MACROD2: variants seen among roughly 807,000 people sequenced by gnomAD.
The protein encoded by MACROD2 is ADP-ribose glycohydrolase MACROD2.
A neutral mutation model predicts 70.4 loss-of-function variants in MACROD2; 36 were observed. The ratio of observed to expected loss-of-function variants is 0.51; its 90% CI spans 0.39 to 0.68. MACROD2 has a LOEUF of 0.68. MACROD2 is among the 30% of genes least tolerant of loss of function. The pLI is 0.00. For missense variants in MACROD2, 496 were observed against 538.4 expected, an observed-to-expected ratio of 0.92 and a Z score of 0.78; for synonymous variants, 172 against 178.8, an observed-to-expected ratio of 0.96 and a Z score of 0.30.
At chr20:14,604,034 G>A (rs1281414369) in intron 4 of MACROD2, among the ~76,000 whole-genome samples, 2 of 152,056 alleles carry the variant, frequency 1.3e-5, no homozygotes, top group South Asian at 2.1e-4. Context: ...GACCTTAATC[G>A]ATGCTTTTGC....
intron 5 of MACROD2, chr20:14,849,767 C>A: frequency 3.8e-6 from 1 of 265,546 alleles, no homozygotes; most frequent in South Asian, 3.4e-5. Context: ...GGTGGCAGGG[C>A]AAGACTTTGT....
intron 8 of MACROD2, among the ~76,000 whole-genome samples, chr20:15,550,985 C>T (rs1426071140): frequency 6.6e-6 from 1 of 152,074 alleles, no homozygotes; most frequent in Non-Finnish European, 1.5e-5. Flanking sequence ...ATCCAGCGTG[C>T]CTGCAGAAAA....
At chr20:15,371,868 C>G (rs2146263052) in intron 6 of MACROD2, among the ~76,000 whole-genome samples, 1 of 152,284 alleles carries the variant, frequency 6.6e-6, no homozygotes, top group South Asian at 2.1e-4. Context: ...AACACAACTA[C>G]TCTTTTTAAT....
At chr20:14,752,222 AT>A (rs1360133236) in intron 5 of MACROD2, among the ~76,000 whole-genome samples, 7 of 151,286 alleles carry the variant, frequency 4.6e-5, no homozygotes, top group Non-Finnish European at 1.0e-4. Flanking sequence ...TTAATTACCT[AT>A]TTTATATTTC....
intron 3 of MACROD2, among the ~76,000 whole-genome samples, chr20:14,206,002 G>GT (rs772332911): frequency 3.9e-5 from 6 of 152,146 alleles, no homozygotes; most frequent in African/African-American, 9.7e-5. Flanking sequence ...AGGTCTGTTA[G>GT]TTTAGTAAAC....
chr20:15,138,547 T>C (rs2076168233), intron 5 of MACROD2, among the ~76,000 whole-genome samples: 1 of 152,162 alleles, frequency 6.6e-6, no homozygotes, highest in Non-Finnish European at 1.5e-5. Context: ...TTTGCTCAGC[T>C]AGATTGGTCT....
At chr20:14,253,066 C>T (rs2082025231) in intron 3 of MACROD2, among the ~76,000 whole-genome samples, 1 of 151,822 alleles carries the variant, frequency 6.6e-6, no homozygotes, top group Non-Finnish European at 1.5e-5. Flanking sequence ...AAACTTTTGT[C>T]ATTTGATAGA....
chr20:15,410,248 T>G (rs1314966262), intron 6 of MACROD2, among the ~76,000 whole-genome samples: 1 of 152,202 alleles, frequency 6.6e-6, no homozygotes, highest in African/African-American at 2.4e-5. Context: ...CCAGAACTGT[T>G]GTACAGTTAG....
At chr20:14,603,716 A>G (rs1982631754) in intron 4 of MACROD2, among the ~76,000 whole-genome samples, 1 of 152,152 alleles carries the variant, frequency 6.6e-6, no homozygotes, top group Non-Finnish European at 1.5e-5. Flanking sequence ...ATTTCTTTTG[A>G]TGCTCTAACA....
chr20:15,229,310 G>C (rs1016308731), intron 5 of MACROD2, among the ~76,000 whole-genome samples: 9 of 152,160 alleles, frequency 5.9e-5, no homozygotes, highest in Non-Finnish European at 2.9e-5. Context: ...CAATAAAATA[G>C]ATAATTAACT....
At chr20:14,386,407 C>T (rs907373614) in intron 3 of MACROD2, among the ~76,000 whole-genome samples, 1 of 152,140 alleles carries the variant, frequency 6.6e-6, no homozygotes, top group African/African-American at 2.4e-5. Context: ...GATATTTGTC[C>T]TCATGCAAAT....
intron 3 of MACROD2, among the ~76,000 whole-genome samples, chr20:14,268,518 T>A (rs1413448183): frequency 2.6e-5 from 4 of 152,170 alleles, no homozygotes; most frequent in Non-Finnish European, 5.9e-5. Flanking sequence ...CTTGCTTAGA[T>A]TCAGATTAGA....
chr20:16,010,679 G>A (rs2066851713), intron 15 of MACROD2, among the ~76,000 whole-genome samples: 1 of 152,106 alleles, frequency 6.6e-6, no homozygotes, highest in African/African-American at 2.4e-5. Flanking sequence ...TCCAGTCTTT[G>A]GGATCCTTCA....
At chr20:15,897,990 GC>G (rs1448046256) in intron 10 of MACROD2, among the ~76,000 whole-genome samples, 1 of 152,108 alleles carries the variant, frequency 6.6e-6, no homozygotes, top group Non-Finnish European at 1.5e-5. Flanking sequence ...TATTACCTTA[GC>G]AATACCTTAA....
intron 3 of MACROD2, among the ~76,000 whole-genome samples, chr20:14,125,605 T>C (rs2054638544): frequency 1.3e-5 from 2 of 152,212 alleles, no homozygotes; most frequent in Non-Finnish European, 1.5e-5. Context: ...GTAATATATG[T>C]ACACATACTC....
intron 5 of MACROD2, among the ~76,000 whole-genome samples, chr20:15,138,447 C>T (rs2076167203): frequency 6.6e-6 from 1 of 151,968 alleles, no homozygotes; most frequent in African/African-American, 2.4e-5. Flanking sequence ...TTTTAGGTCT[C>T]CAGTGTAAAA....
rs556206014 is a variant in MACROD2, at chr20:14,604,096, T to C, written c.302-80747T>C. 2.0e-5 allele frequency among the ~76,000 whole-genome samples: 3 copies of C among 152,328 alleles called. No homozygotes were observed. The South Asian group carries it at 6.2e-4, about 32-fold the overall frequency. On this transcript the variant is annotated intron_variant, in intron 4 of 17. Transcript: ENST00000684519. ...GTCTGTCCCTTATTTGGGTTTGGTC[T>C]GAAAACATATTTGTCTTATTTTGTC...
chr20:14,253,342 T>C (rs1340445646), intron 3 of MACROD2, among the ~76,000 whole-genome samples: 1 of 152,040 alleles, frequency 6.6e-6, no homozygotes, highest in Non-Finnish European at 1.5e-5. Flanking sequence ...TTCTTCACTT[T>C]ATATTTCTTT....
At chr20:14,762,198 A>G (rs1388481984) in intron 5 of MACROD2, among the ~76,000 whole-genome samples, 5 of 152,106 alleles carry the variant, frequency 3.3e-5, no homozygotes, top group African/African-American at 1.2e-4. Context: ...TATGCCCGCC[A>G]GGGTCTGTGT....
Sources: allele counts gnomAD v4.1 joint callset (sites outside exome capture counted in the v4.1 genomes callset), GRCh38; gene constraint gnomAD v4.1.1; transcripts MANE v1.5; gene names NCBI Gene and HGNC (gene_info 2026-07-23, HGNC 2026-07-21).